Variants in EPHB2 observed in about 807,000 individuals in gnomAD.
The protein encoded by EPHB2 is ephrin type-B receptor 2.
EPHB2 carries 18 observed loss-of-function variants against 96.4 expected under a neutral mutation model. The ratio of observed to expected loss-of-function variants is 0.19; its 90% CI spans 0.13 to 0.28. EPHB2 has a LOEUF of 0.28. EPHB2 is among the 10% of genes least tolerant of loss of function. The probability of loss-of-function intolerance (pLI) is 1.00; values close to 1 mark genes in which losing one functional copy is unlikely to be tolerated. For missense variants in EPHB2, 989 were observed against 1,355.4 expected, an observed-to-expected ratio of 0.73 and a Z score of 4.25; for synonymous variants, 506 against 534.1, an observed-to-expected ratio of 0.95 and a Z score of 0.72.
At chr1:22,721,396 G>A (rs138802712) in intron 1 of EPHB2, among the ~76,000 whole-genome samples, 31 of 152,222 alleles carry the variant, frequency 2.0e-4, no homozygotes, top group African/African-American at 6.3e-4. Context: ...ACGTAATACC[G>A]GGAATAAATC....
At chr1:22,756,072 G>T (rs1338365825) in intron 1 of EPHB2, among the ~76,000 whole-genome samples, 1 of 152,118 alleles carries the variant, frequency 6.6e-6, no homozygotes, top group East Asian at 1.9e-4. Context: ...AGGTGGAAAC[G>T]CAGGGAGAGG....
At chr1:22,836,064 T>C (rs990014234) in intron 3 of EPHB2, 2 of 152,148 alleles carry the variant, frequency 1.3e-5, no homozygotes, top group African/African-American at 4.8e-5. Flanking sequence ...ACTCGGCCTG[T>C]GCTCCCACCC....
At chr1:22,783,738 A>G (rs563295759) in intron 2 of EPHB2, among the ~76,000 whole-genome samples, 3 of 152,158 alleles carry the variant, frequency 2.0e-5, no homozygotes, top group Non-Finnish European at 4.4e-5. Context: ...TGGGTTTGTG[A>G]GAGCCCAGAC....
At position 22,779,191 on chromosome 1, in the gene EPHB2, G is replaced by A. The variant is rs111678943; in HGVS notation, c.62-2230G>A. On this transcript the variant is annotated intron_variant, in intron 1 of 15. Transcript: ENST00000374630. The stretch of plus-strand genomic sequence containing the variant: ...CCAGGAAGAAAAATCTGTAGCATTC[G>A]GAGTGTGAAAAGGAACCCTTTTTTC... 6.2e-3 allele frequency among the ~76,000 whole-genome samples: 943 copies of A among 152,306 alleles called. 9 individuals are homozygous for A. Among genetic ancestry groups the A allele is most frequent in the Middle Eastern group, 0.024 (7 of 294 alleles).
At chr1:22,806,088 C>T (rs555030960) in intron 3 of EPHB2, among the ~76,000 whole-genome samples, 6 of 152,208 alleles carry the variant, frequency 3.9e-5, no homozygotes, top group Admixed American at 6.5e-5. Context: ...CAACCAGCCT[C>T]CTAGACCACG....
intron 1 of EPHB2, among the ~76,000 whole-genome samples, chr1:22,716,033 GT>G (rs1553157459): frequency 6.6e-6 from 1 of 152,146 alleles, no homozygotes; most frequent in Non-Finnish European, 1.5e-5. Flanking sequence ...TCAGCCTTCA[GT>G]GTCTCCCCTA....
chr1:22,864,761 A>G, intron 4 of EPHB2, 116 bp from the exon 5 acceptor site: 1 of 662,650 alleles, frequency 1.5e-6, no homozygotes, highest in Non-Finnish European at 2.6e-6. Flanking sequence ...GACAGGACAA[A>G]GAATTTAAGG....
intron 6 of EPHB2, 101 bp from the exon 7 acceptor site, chr1:22,892,783 C>A: frequency 7.0e-7 from 1 of 1,429,884 alleles, no homozygotes; most frequent in Non-Finnish European, 9.9e-7. Context: ...AGATGTTTAT[C>A]CAATGGCCAG....
At chr1:22,830,049 TTGAC>T (rs768883577) in intron 3 of EPHB2, among the ~76,000 whole-genome samples, 15 of 152,282 alleles carry the variant, frequency 9.9e-5, no homozygotes, top group Non-Finnish European at 1.8e-4. Context: ...ATGCTCAAGT[TTGAC>T]TGGTGGGAAG....
At chr1:22,727,740 T>C (rs1342957201) in intron 1 of EPHB2, among the ~76,000 whole-genome samples, 1 of 151,786 alleles carries the variant, frequency 6.6e-6, no homozygotes, top group Non-Finnish European at 1.5e-5. Flanking sequence ...TTTCTTTTCT[T>C]TTCTTTTTTC....
chr1:22,745,362 T>C (rs1206341850), intron 1 of EPHB2, among the ~76,000 whole-genome samples: 1 of 152,234 alleles, frequency 6.6e-6, no homozygotes, highest in Non-Finnish European at 1.5e-5. Context: ...CATACCCGAC[T>C]GGTTTCACTC....
At chr1:22,868,270 G>T (rs1281753409) in intron 5 of EPHB2, among the ~76,000 whole-genome samples, 1 of 152,144 alleles carries the variant, frequency 6.6e-6, no homozygotes, top group Admixed American at 6.6e-5. Flanking sequence ...AGAGCCCTCA[G>T]GATCGAAAGA....
At chr1:22,781,315 G>A (rs1287039753) in intron 1 of EPHB2, 106 bp from the exon 2 acceptor site, 13 of 989,236 alleles carry the variant, frequency 1.3e-5, no homozygotes, top group Non-Finnish European at 1.7e-5. Context: ...GCCAGACTCC[G>A]TCTAAAAAAA....
At chr1:22,905,888 G>A in intron 9 of EPHB2, 99 bp from the exon 10 acceptor site, 1 of 1,590,842 alleles carries the variant, frequency 6.3e-7, no homozygotes, top group African/African-American at 1.3e-5. Context: ...GGGGCCACAT[G>A]GGAGTGGATT....
chr1:22,905,892 G>A (rs1340363870), intron 9 of EPHB2, 95 bp from the exon 10 acceptor site: 3 of 1,600,916 alleles, frequency 1.9e-6, no homozygotes, highest in Non-Finnish European at 2.6e-6. Context: ...CCACATGGGA[G>A]TGGATTTCCC....
At chr1:22,887,666 G>A (rs1350956045) in intron 6 of EPHB2, among the ~76,000 whole-genome samples, 1 of 152,194 alleles carries the variant, frequency 6.6e-6, no homozygotes, top group Non-Finnish European at 1.5e-5. Flanking sequence ...CAACGCCCCA[G>A]GGGAGGTGGC....
At chr1:22,742,661 C>T (rs1446497150) in intron 1 of EPHB2, among the ~76,000 whole-genome samples, 2 of 151,838 alleles carry the variant, frequency 1.3e-5, no homozygotes, top group Admixed American at 6.6e-5. Flanking sequence ...TATATGCCAC[C>T]ATGCCCAGCT....
intron 3 of EPHB2, among the ~76,000 whole-genome samples, chr1:22,854,095 T>TA (rs1010761641): frequency 2.0e-5 from 3 of 152,154 alleles, no homozygotes; most frequent in Non-Finnish European, 4.4e-5. Flanking sequence ...TTGCTGGACT[T>TA]AAGCTGTCTT....
chr1:22,820,129 G>C (rs564016901), intron 3 of EPHB2, among the ~76,000 whole-genome samples: 12 of 152,302 alleles, frequency 7.9e-5, no homozygotes, highest in Admixed American at 6.5e-4. Context: ...GGCAGGCTCA[G>C]AAAGGTGGTG....
Sources: allele counts gnomAD v4.1 joint callset (sites outside exome capture counted in the v4.1 genomes callset), GRCh38; gene constraint gnomAD v4.1.1; transcripts MANE v1.5; gene names NCBI Gene and HGNC (gene_info 2026-07-23, HGNC 2026-07-21).